The following UNC13C variants were observed in gnomAD, a reference collection of about 807,000 sequenced individuals.
UNC13C encodes unc-13 homolog C.
In UNC13C, 174 loss-of-function variants were observed where a neutral mutation model predicts 245.4. The observed-to-expected ratio is 0.71, with a 90% CI of 0.63 to 0.80. The LOEUF (loss-of-function observed/expected upper bound fraction) is 0.80. Ranked by LOEUF, UNC13C falls within the 30% of genes least tolerant of loss-of-function variation. UNC13C has a pLI of 0.00. For missense variants in UNC13C, 2,829 were observed against 2,602.9 expected (o/e 1.09, Z -1.89); for synonymous variants, 992 against 895.1 (o/e 1.11, Z -1.93).
the UNC13C span, among the ~76,000 whole-genome samples, chr15:53,856,470 C>A: frequency 6.6e-6 from 1 of 151,824 alleles, no homozygotes; most frequent in Non-Finnish European, 1.5e-5. Context: ...TTTAGCTGTA[C>A]CCCAGAGATT....
intron 25 of UNC13C, among the ~76,000 whole-genome samples, chr15:54,528,865 A>T (rs1393058052): frequency 6.6e-6 from 1 of 152,186 alleles, no homozygotes; most frequent in African/African-American, 2.4e-5. Flanking sequence ...AGTATCTACT[A>T]CCTTTACTTT....
Position 54,293,950 on chromosome 15 carries a change from G to T in UNC13C, c.3874G>T (p.Asp1292Tyr), listed in dbSNP as rs1469854344. Reference protein sequence around the residue: ...IKVRVWDEDDDIKSRVKQHFK... With the variant: ...IKVRVWDEDDYIKSRVKQHFK... ...AGTCAGAGTATGGGATGAAGATGATGATATTAAATCCAGAGTCAAGCAACA... is the reference window on the plus strand; with the variant it reads ...AGTCAGAGTATGGGATGAAGATGATTATATTAAATCCAGAGTCAAGCAACA... The change falls in exon 11 of 33, where the codon GAT (aspartate) becomes TAT (tyrosine). Residue 1292 changes from aspartate to tyrosine, a missense_variant. Physicochemically the swap from Asp to Tyr is radical, Grantham distance 160. Coordinates refer to ENST00000260323, the MANE Select transcript of UNC13C (RefSeq NM_001080534.3). The T allele has an allele frequency of 6.3e-7, 1 of 1,589,442 alleles. No homozygotes were observed. The highest frequency in any genetic ancestry group is 1.4e-5 in the African/African-American group (1 of 73,246).
intron 4 of UNC13C, among the ~76,000 whole-genome samples, chr15:54,151,838 G>GATACGGCGACCACCGA (rs2032533090): frequency 1.3e-4 from 19 of 148,818 alleles, no homozygotes; most frequent in East Asian, 1.2e-3. Flanking sequence ...GTTCCATAAT[G>GATACGGCGACCACCGA]GATCTACACA....
chr15:54,049,431 T>C (rs942988121), intron 2 of UNC13C: 1 of 486,750 alleles, frequency 2.1e-6, no homozygotes, highest in Non-Finnish European at 4.2e-6. Context: ...TCCAGTTCTT[T>C]GTGGAGACCA....
At chr15:54,573,177 C>T (rs946250642) in intron 30 of UNC13C, among the ~76,000 whole-genome samples, 2 of 152,184 alleles carry the variant, frequency 1.3e-5, no homozygotes, top group Non-Finnish European at 2.9e-5. Flanking sequence ...GTATCTTGCT[C>T]GTTTATTCTT....
intron 4 of UNC13C, among the ~76,000 whole-genome samples, chr15:54,218,465 G>T (rs2035110768): frequency 6.6e-6 from 1 of 151,976 alleles, no homozygotes; most frequent in Non-Finnish European, 1.5e-5. Context: ...GCCAGTACCA[G>T]TAGAGGGAAT....
At chr15:54,129,428 A>G (rs965648283) in intron 2 of UNC13C, among the ~76,000 whole-genome samples, 4 of 152,198 alleles carry the variant, frequency 2.6e-5, no homozygotes, top group African/African-American at 9.6e-5. Flanking sequence ...TCCTACTTCT[A>G]TAGTCAAATG....
chr15:54,487,553 G>A (rs1893478118), intron 19 of UNC13C, among the ~76,000 whole-genome samples: 1 of 151,986 alleles, frequency 6.6e-6, no homozygotes, highest in South Asian at 2.1e-4. Flanking sequence ...GATTACTTGA[G>A]GTCAGGAGTT....
intron 25 of UNC13C, among the ~76,000 whole-genome samples, chr15:54,528,240 T>C (rs1162838917): frequency 6.6e-6 from 1 of 152,018 alleles, no homozygotes; most frequent in Non-Finnish European, 1.5e-5. Context: ...AACTTGAAGA[T>C]GGTCTTAAAA....
chr15:54,124,442 G>A (rs1208302784), intron 2 of UNC13C, among the ~76,000 whole-genome samples: 1 of 152,102 alleles, frequency 6.6e-6, no homozygotes, highest in Non-Finnish European at 1.5e-5. Flanking sequence ...GTCCTCTTTA[G>A]TGAAATAACT....
chr15:53,920,776 G>C, the UNC13C span, among the ~76,000 whole-genome samples: 1 of 150,468 alleles, frequency 6.6e-6, no homozygotes, highest in Non-Finnish European at 1.5e-5. Flanking sequence ...GCATGTTACA[G>C]GTGCTCTATT....
At chr15:54,293,350 T>C (rs2037350823) in intron 10 of UNC13C, among the ~76,000 whole-genome samples, 1 of 152,068 alleles carries the variant, frequency 6.6e-6, no homozygotes, top group Non-Finnish European at 1.5e-5. Flanking sequence ...AACGATGGAC[T>C]AGAATGCACA....
chr15:54,418,350 A>G (rs1312530973), intron 19 of UNC13C, among the ~76,000 whole-genome samples: 2 of 152,142 alleles, frequency 1.3e-5, no homozygotes, highest in East Asian at 1.9e-4. Flanking sequence ...AAGTCGAAAA[A>G]TATTCCATTA....
intron 14 of UNC13C, among the ~76,000 whole-genome samples, chr15:54,326,382 G>A (rs1213367335): frequency 6.6e-6 from 1 of 152,020 alleles, no homozygotes; most frequent in Non-Finnish European, 1.5e-5. Flanking sequence ...TTTGCTGTTG[G>A]GCACTATAAA....
At chr15:54,165,658 G>A (rs2033139239) in intron 4 of UNC13C, among the ~76,000 whole-genome samples, 1 of 151,778 alleles carries the variant, frequency 6.6e-6, no homozygotes, top group African/African-American at 2.4e-5. Flanking sequence ...TTTGACATCA[G>A]GTTTTAGGTT....
intron 4 of UNC13C, among the ~76,000 whole-genome samples, chr15:54,146,089 C>T (rs1354275302): frequency 6.6e-6 from 1 of 152,018 alleles, no homozygotes; most frequent in African/African-American, 2.4e-5. Context: ...CTGAAGGGTA[C>T]GTTTACATAT....
intron 2 of UNC13C, among the ~76,000 whole-genome samples, chr15:54,045,982 A>C (rs145676454): frequency 1.1e-4 from 16 of 152,254 alleles, no homozygotes; most frequent in Middle Eastern, 3.4e-3. Context: ...TTCCAGATTC[A>C]TTCGGTATTC....
intron 4 of UNC13C, among the ~76,000 whole-genome samples, chr15:54,145,299 T>C (rs1376744673): frequency 6.6e-6 from 1 of 152,160 alleles, no homozygotes. Flanking sequence ...CATCCACATG[T>C]TACTTATTTT....
At chr15:54,045,894 A>G (rs747581333) in intron 2 of UNC13C, among the ~76,000 whole-genome samples, 1 of 152,154 alleles carries the variant, frequency 6.6e-6, no homozygotes, top group Non-Finnish European at 1.5e-5. Flanking sequence ...ACATGTATTA[A>G]TTGGCACTCT....
Sources: allele counts gnomAD v4.1 joint callset (sites outside exome capture counted in the v4.1 genomes callset), GRCh38; gene constraint gnomAD v4.1.1; transcripts MANE v1.5; gene names NCBI Gene and HGNC (gene_info 2026-07-23, HGNC 2026-07-21).